The following EFNA5 variants were observed in gnomAD, a reference collection of about 807,000 sequenced individuals.
EFNA5 encodes ephrin A5.
In EFNA5, 5 loss-of-function variants were observed where a neutral mutation model predicts 22.9. The observed-to-expected ratio is 0.22, with a 90% confidence interval of 0.11 to 0.46. The LOEUF is 0.46. EFNA5 is among the 20% of genes least tolerant of loss of function. EFNA5 has a pLI of 0.99. For synonymous variants in EFNA5, 113 were observed against 112.2 expected (o/e 1.01, Z -0.04); for missense variants, 237 against 293.3 (o/e 0.81, Z 1.40).
At position 107,447,399 on chromosome 5, in the gene EFNA5, C is replaced by T. The variant is rs556514736; in HGVS notation, c.126-19890G>A. ...GACTTTTCACATATTTATGTCCTGGCTCCCTTGTTAATTAAGTAATTCATT... is the reference window on the plus strand; with the variant it reads ...GACTTTTCACATATTTATGTCCTGGTTCCCTTGTTAATTAAGTAATTCATT... On this transcript the variant is annotated intron_variant, in intron 1 of 4. Transcript: ENST00000333274. Among the ~76,000 whole-genome samples, 4 of 152,310 alleles carry T rather than the reference C, an allele frequency of 2.6e-5. No homozygotes were observed. In the East Asian group the frequency reaches 7.7e-4, roughly 29 times the overall value.
At chr5:107,611,521 C>T (rs1029926009) in intron 1 of EFNA5, among the ~76,000 whole-genome samples, 13 of 152,238 alleles carry the variant, frequency 8.5e-5, no homozygotes, top group South Asian at 6.2e-4. Context: ...CCTTCAAGTC[C>T]GGTATGTAAA....
intron 1 of EFNA5, among the ~76,000 whole-genome samples, chr5:107,517,215 G>A (rs79709295): frequency 0.03 from 4,579 of 151,850 alleles, 195 homozygotes; most frequent in African/African-American, 0.1. Context: ...CAGGTTATAG[G>A]GTGCAGGGAG....
chr5:107,566,397 C>T (rs1748668400), intron 1 of EFNA5, among the ~76,000 whole-genome samples: 1 of 152,112 alleles, frequency 6.6e-6, no homozygotes, highest in African/African-American at 2.4e-5. Context: ...ATCGACGAGT[C>T]ATTTTTGCCA....
chr5:107,458,445 C>T (rs931199988), intron 1 of EFNA5, among the ~76,000 whole-genome samples: 11 of 151,714 alleles, frequency 7.3e-5, no homozygotes, highest in African/African-American at 2.7e-4. Context: ...AAGGCTTACC[C>T]GAGTCAAAGT....
chr5:107,396,050 T>C lies in EFNA5; in HGVS notation c.419-8279A>G, dbSNP rs935584360. Among the ~76,000 whole-genome samples, 4 of 152,196 alleles carry C rather than the reference T, an allele frequency of 2.6e-5. No homozygotes were observed. The East Asian group carries it at 7.7e-4, about 29-fold the overall frequency. On this transcript the variant is annotated intron_variant, in intron 2 of 4. Transcript: ENST00000333274. ...TAAGATATTAACAGAAACAATGTCA[T>C]TATCAGACAGCACTAATGTAGCATG...
chr5:107,620,191 T>C (rs991976135), intron 1 of EFNA5, among the ~76,000 whole-genome samples: 4 of 152,250 alleles, frequency 2.6e-5, no homozygotes, highest in Non-Finnish European at 5.9e-5. Context: ...TGACAAAATC[T>C]TTGTTAACAT....
At chr5:107,453,965 GTA>G (rs994736910) in intron 1 of EFNA5, among the ~76,000 whole-genome samples, 3 of 144,226 alleles carry the variant, frequency 2.1e-5, no homozygotes, top group Non-Finnish European at 3.0e-5. Context: ...GTGTGTGTGT[GTA>G]TGTGTGTGTG....
intron 1 of EFNA5, among the ~76,000 whole-genome samples, chr5:107,633,399 T>A (rs1222779065): frequency 6.6e-6 from 1 of 152,240 alleles, no homozygotes; most frequent in Non-Finnish European, 1.5e-5. Context: ...CCTGACAAGA[T>A]GCCAAGTAAG....
chr5:107,485,822 C>T (rs1427050571), intron 1 of EFNA5, among the ~76,000 whole-genome samples: 2 of 152,290 alleles, frequency 1.3e-5, no homozygotes, highest in Non-Finnish European at 2.9e-5. Context: ...TCGACCTCAC[C>T]TTCTACTGCG....
intron 1 of EFNA5, among the ~76,000 whole-genome samples, chr5:107,441,738 G>C (rs890730135): frequency 3.9e-5 from 6 of 152,120 alleles, no homozygotes; most frequent in Admixed American, 2.0e-4. Flanking sequence ...GGTGCCTTCT[G>C]AATATAACTA....
At chr5:107,659,812 TCA>T (rs566279151) in intron 1 of EFNA5, among the ~76,000 whole-genome samples, 18 of 152,284 alleles carry the variant, frequency 1.2e-4, no homozygotes, top group African/African-American at 3.8e-4. Context: ...GCTGGTTCTC[TCA>T]GTTCATATTA....
chr5:107,480,120 G>A (rs1750418539), intron 1 of EFNA5, among the ~76,000 whole-genome samples: 1 of 152,176 alleles, frequency 6.6e-6, no homozygotes, highest in South Asian at 2.1e-4. Context: ...ATATTTCCAT[G>A]TCCCAAGTGC....
At position 107,600,227 on chromosome 5, in the gene EFNA5, T is replaced by C. The variant is rs1045150022; in HGVS notation, c.125+70262A>G. 3.9e-5 allele frequency among the ~76,000 whole-genome samples: 6 copies of C among 152,154 alleles called. No homozygotes were observed. In the East Asian group the frequency reaches 9.7e-4, roughly 24 times the overall value. On this transcript the variant is annotated intron_variant, in intron 1 of 4. Coordinates refer to ENST00000333274, the MANE Select transcript of EFNA5 (RefSeq NM_001962.3). ...TAACAAGAGATGAATTGCAGTAAGATTTCACAGAGCTATGTGAATAGATAG... is the reference window on the plus strand; with the variant it reads ...TAACAAGAGATGAATTGCAGTAAGACTTCACAGAGCTATGTGAATAGATAG...
intron 1 of EFNA5, among the ~76,000 whole-genome samples, chr5:107,502,331 C>T (rs893973791): frequency 3.9e-5 from 6 of 152,214 alleles, no homozygotes; most frequent in Non-Finnish European, 1.5e-5. Flanking sequence ...CACGAGCTAA[C>T]AGTATCATCA....
chr5:107,656,127 C>T (rs1199526347), intron 1 of EFNA5, among the ~76,000 whole-genome samples: 1 of 152,166 alleles, frequency 6.6e-6, no homozygotes, highest in Non-Finnish European at 1.5e-5. Context: ...ATTAATTTCT[C>T]CTTTGAGATG....
intron 1 of EFNA5, among the ~76,000 whole-genome samples, chr5:107,510,541 G>GTCTGGA (rs1747348375): frequency 6.6e-6 from 1 of 152,154 alleles, no homozygotes; most frequent in Non-Finnish European, 1.5e-5. Context: ...CTCTCTTGGG[G>GTCTGGA]TCTGGATCTG....
chr5:107,492,374 T>A (rs1177654871), intron 1 of EFNA5, among the ~76,000 whole-genome samples: 1 of 152,252 alleles, frequency 6.6e-6, no homozygotes, highest in Non-Finnish European at 1.5e-5. Flanking sequence ...TGATAACTAT[T>A]CAGCTAGAAA....
intron 1 of EFNA5, among the ~76,000 whole-genome samples, chr5:107,627,681 C>T (rs1235543282): frequency 6.7e-6 from 1 of 149,180 alleles, no homozygotes; most frequent in African/African-American, 2.5e-5. Context: ...AAGCCATTGT[C>T]ATAAGTCACT....
chr5:107,414,027 T>G (rs906049057), intron 2 of EFNA5, among the ~76,000 whole-genome samples: 1 of 152,222 alleles, frequency 6.6e-6, no homozygotes, highest in Non-Finnish European at 1.5e-5. Context: ...AGTACCCACT[T>G]CTTTCAAGTC....
Sources: allele counts gnomAD v4.1 joint callset (sites outside exome capture counted in the v4.1 genomes callset), GRCh38; gene constraint gnomAD v4.1.1; transcripts MANE v1.5; gene names NCBI Gene and HGNC (gene_info 2026-07-23, HGNC 2026-07-21).